MAOB: variants seen among roughly 807,000 people sequenced by gnomAD.
The protein encoded by MAOB is amine oxidase [flavin-containing] B.
Under a neutral mutation model 41.9 loss-of-function variants are expected in MAOB, and 15 were observed. The observed-to-expected ratio is 0.36, with a 90% CI of 0.24 to 0.55. The LOEUF (loss-of-function observed/expected upper bound fraction) is 0.55, where lower values mean the gene tolerates loss of function less well. Among genes scored for constraint, MAOB ranks in the 20% least tolerant of loss-of-function variants. The pLI is 0.86. For synonymous variants in MAOB, 167 were observed against 144.2 expected (o/e 1.16, Z -1.13); for missense variants, 345 against 398.7 (o/e 0.87, Z 1.15).
chrX:43,819,270 C>G (rs771771520), intron 3 of MAOB, among the ~76,000 whole-genome samples: 9 of 111,552 alleles, frequency 8.1e-5, no homozygotes, highest in Non-Finnish European at 1.5e-4. Flanking sequence ...TGATTTTCAG[C>G]CCCCTTCAGA....
intron 1 of MAOB, among the ~76,000 whole-genome samples, chrX:43,859,381 C>T (rs1216284636): frequency 1.8e-5 from 2 of 111,946 alleles, no homozygotes. Flanking sequence ...TGCCTTCCTA[C>T]AATTAAATGA....
At chrX:43,875,217 G>A (rs1310296133) in intron 1 of MAOB, among the ~76,000 whole-genome samples, 2 of 111,395 alleles carry the variant, frequency 1.8e-5, no homozygotes, top group Non-Finnish European at 3.8e-5. Flanking sequence ...TTCTCCTAAG[G>A]CTGAGGGCTC....
chrX:43,787,782 A>G (rs771331180), intron 8 of MAOB, among the ~76,000 whole-genome samples: 6 of 112,099 alleles, frequency 5.4e-5, no homozygotes, highest in Non-Finnish European at 7.5e-5. Context: ...TCATACAACA[A>G]ATCGTTAAAA....
intron 1 of MAOB, chrX:43,850,403 G>A: frequency 2.7e-6 from 2 of 747,928 alleles, no homozygotes; most frequent in Non-Finnish European, 3.2e-6. Flanking sequence ...GTGGAACAGT[G>A]CAGCATTCTC....
chrX:43,861,505 T>C (rs2035331939), intron 1 of MAOB, among the ~76,000 whole-genome samples: 1 of 111,985 alleles, frequency 8.9e-6, no homozygotes, highest in Non-Finnish European at 1.9e-5. Flanking sequence ...AGGGTAGTTT[T>C]CCACCTGGAC....
At chrX:43,870,399 T>G (rs1017658554) in intron 1 of MAOB, among the ~76,000 whole-genome samples, 3 of 109,419 alleles carry the variant, frequency 2.7e-5, no homozygotes, top group African/African-American at 1.0e-4. Context: ...CCTCTACCTT[T>G]CACCCTTACT....
chrX:43,823,643 G>T (rs1444192746), intron 3 of MAOB, among the ~76,000 whole-genome samples: 1 of 111,785 alleles, frequency 8.9e-6, no homozygotes, highest in East Asian at 2.8e-4. Flanking sequence ...TCATAGCTAG[G>T]AGAGAAATTC....
chrX:43,777,660 A>G (rs1259201398), intron 11 of MAOB, among the ~76,000 whole-genome samples: 1 of 111,818 alleles, frequency 8.9e-6, no homozygotes, highest in Non-Finnish European at 1.9e-5. Flanking sequence ...AATAGGACTA[A>G]GTCATGTAGC....
chrX:43,824,818 A>T (rs1259591019), intron 3 of MAOB, among the ~76,000 whole-genome samples: 1 of 113,609 alleles, frequency 8.8e-6, no homozygotes, highest in Non-Finnish European at 1.9e-5. Flanking sequence ...ACGTGCACAC[A>T]CACATGCACA....
chrX:43,778,660 T>C (rs1398375849), intron 11 of MAOB, 22 bp downstream of exon 11: 9 of 1,184,990 alleles, frequency 7.6e-6, no homozygotes, highest in Non-Finnish European at 1.0e-5. Flanking sequence ...ACCCTTAGTA[T>C]AGGGTTGGGA....
intron 2 of MAOB, among the ~76,000 whole-genome samples, chrX:43,840,894 T>G (rs1469337101): frequency 5.1e-5 from 4 of 79,043 alleles, no homozygotes; most frequent in Admixed American, 2.6e-4. Flanking sequence ...GCTGCAGGAG[T>G]TTTTTTTTTT....
intron 2 of MAOB, among the ~76,000 whole-genome samples, chrX:43,843,406 CACAG>C (rs2035163517): frequency 1.0e-5 from 1 of 97,124 alleles, no homozygotes; most frequent in Non-Finnish European, 2.1e-5. Context: ...CACACACACA[CACAG>C]AGGCACACAC....
intron 1 of MAOB, among the ~76,000 whole-genome samples, chrX:43,878,909 A>G (rs914182277): frequency 1.8e-5 from 2 of 112,056 alleles, no homozygotes; most frequent in Non-Finnish European, 3.8e-5. Flanking sequence ...AGTGCCTGCC[A>G]CCCTCAAATG....
intron 1 of MAOB, among the ~76,000 whole-genome samples, chrX:43,858,298 T>C (rs948567369): frequency 9.0e-6 from 1 of 111,365 alleles, no homozygotes; most frequent in Non-Finnish European, 1.9e-5. Flanking sequence ...AGCTCAAACC[T>C]AAATCCTGGG....
At chrX:43,811,116 T>C (rs926551358) in intron 3 of MAOB, among the ~76,000 whole-genome samples, 1 of 111,904 alleles carries the variant, frequency 8.9e-6, no homozygotes, top group African/African-American at 3.2e-5. Context: ...CTTCCTAGAA[T>C]TGTCACCTAG....
intron 3 of MAOB, among the ~76,000 whole-genome samples, chrX:43,804,455 AAGAGAG>A (rs367565430): frequency 1.9e-5 from 2 of 107,434 alleles, no homozygotes; most frequent in African/African-American, 6.8e-5. Context: ...CAACAGGAGA[AAGAGAG>A]AGAGAGAGAG....
At chrX:43,861,383 C>T (rs952204751) in intron 1 of MAOB, among the ~76,000 whole-genome samples, 1 of 112,653 alleles carries the variant, frequency 8.9e-6, no homozygotes, top group Admixed American at 9.4e-5. Context: ...ACCGTTTGAT[C>T]ACAGTTATCC....
chrX:43,791,609 T>C (rs2034463356), intron 8 of MAOB, among the ~76,000 whole-genome samples: 2 of 110,698 alleles, frequency 1.8e-5, no homozygotes, highest in Non-Finnish European at 3.8e-5. Context: ...TGCAAAAAAT[T>C]AGCCAGGCAA....
intron 1 of MAOB, among the ~76,000 whole-genome samples, chrX:43,845,246 T>G (rs1395986474): frequency 1.8e-5 from 2 of 111,642 alleles, no homozygotes; most frequent in Non-Finnish European, 3.8e-5. Flanking sequence ...TCCAATTACC[T>G]TCCTCATTTG....
Sources: allele counts gnomAD v4.1 joint callset (sites outside exome capture counted in the v4.1 genomes callset), GRCh38; gene constraint gnomAD v4.1.1; transcripts MANE v1.5; gene names NCBI Gene and HGNC (gene_info 2026-07-23, HGNC 2026-07-21).